The following PDZD2 variants were observed in gnomAD, a reference collection of about 807,000 sequenced individuals.
PDZD2 encodes PDZ domain-containing protein 2.
A neutral mutation model predicts 220.7 loss-of-function variants in PDZD2; 90 were observed. The ratio of observed to expected loss-of-function variants is 0.41; its 90% CI spans 0.34 to 0.49. PDZD2 has a LOEUF of 0.49. Among genes scored for constraint, PDZD2 ranks in the 20% least tolerant of loss-of-function variants. The pLI is 0.28. For synonymous variants in PDZD2, 1,375 were observed against 1,450.5 expected, an observed-to-expected ratio of 0.95 and a Z score of 1.18; for missense variants, 3,174 against 3,608.5, an observed-to-expected ratio of 0.88 and a Z score of 3.08.
chr5:31,709,807 T>G (rs995624887), intron 1 of PDZD2, among the ~76,000 whole-genome samples: 4 of 152,114 alleles, frequency 2.6e-5, no homozygotes, highest in Admixed American at 2.0e-4. Context: ...AATACACACA[T>G]TAACCTGGCA....
intron 2 of PDZD2, among the ~76,000 whole-genome samples, chr5:31,924,356 G>T (rs1222052534): frequency 6.6e-6 from 1 of 152,218 alleles, no homozygotes; most frequent in African/African-American, 2.4e-5. Context: ...TACAGCTACT[G>T]TGAGGAGTAG....
At position 31,779,845 on chromosome 5, in the gene PDZD2, T is replaced by C. The variant is rs567573729; in HGVS notation, c.-360-19044T>C. Among the ~76,000 whole-genome samples, 438 of 152,232 alleles carry C rather than the reference T, an allele frequency of 2.9e-3. 1 individual carries two copies. Among genetic ancestry groups the C allele is most frequent in the African/African-American group, 9.9e-3 (410 of 41,532 alleles). ...TCCTTGGCAGCTTCACGTGTTCGTT[T>C]TTATTAGTGTCCATGATTAATCTGT... On this transcript the variant is annotated intron_variant, in intron 1 of 24. Coordinates refer to ENST00000438447, the MANE Select transcript of PDZD2 (RefSeq NM_178140.4).
In PDZD2 at chr5:32,090,742, G is replaced by C; in HGVS notation, c.7294G>C (p.Glu2432Gln). ...TLTISRQNPP[E>Q]TSSKGSDSEL... ...GACCATCTCTCGGCAGAACCCACCA[G>C]AGACCAGTAGCAAGGGCTCTGATTC... The change falls in exon 20 of 25, where the codon GAG becomes CAG. Residue 2432 changes from glutamate to glutamine, a missense_variant. Physicochemically the swap from Glu to Gln is conservative, Grantham distance 29. Around this residue, in one of 4 missense-constraint regions of PDZD2, gnomAD observed 631 missense variants for 789.9 expected, o/e 0.80. Transcript: ENST00000438447. The surrounding 1 kb of genome is among the most constrained non-coding windows in gnomAD (Gnocchi z 4.3). The C allele has an allele frequency of 6.2e-7, 1 of 1,614,182 alleles. No homozygotes were observed. Among genetic ancestry groups the C allele is most frequent in the South Asian group, 1.1e-5 (1 of 91,080 alleles).
rs190817947 is a variant in PDZD2 at position 31,826,287 on chromosome 5, G to A, written c.476+26563G>A. On this transcript the variant is annotated intron_variant, in intron 2 of 24. Coordinates refer to ENST00000438447, the MANE Select transcript of PDZD2 (RefSeq NM_178140.4). ...ACCTTGCTCAATGCCACCGTGGTGGGGAGGGTAGGAGTGAGGCTCCAAACC... is the reference window on the plus strand; with the variant it reads ...ACCTTGCTCAATGCCACCGTGGTGGAGAGGGTAGGAGTGAGGCTCCAAACC... Among the ~76,000 whole-genome samples the A allele has an allele frequency of 1.0e-3, 158 of 152,214 alleles. 4 individuals carry two copies. The highest frequency in any genetic ancestry group is 0.01 in the Admixed American group (158 of 15,280).
At position 31,882,443 on chromosome 5, in the gene PDZD2, C is replaced by T. The variant is rs112183808; in HGVS notation, c.476+82719C>T. Among the ~76,000 whole-genome samples the T allele has an allele frequency of 2.3e-3, 348 of 152,234 alleles. 1 individual carries two copies. The highest frequency in any genetic ancestry group is 8.0e-3 in the African/African-American group (332 of 41,528). On this transcript the variant is annotated intron_variant, in intron 2 of 24. Coordinates refer to ENST00000438447, the MANE Select transcript of PDZD2 (RefSeq NM_178140.4). ...CAGGGATAATAATTAGAAGCCTGGACAGTTCCATAAAGAAGGGGAGAGGGA... is the reference window on the plus strand; with the variant it reads ...CAGGGATAATAATTAGAAGCCTGGATAGTTCCATAAAGAAGGGGAGAGGGA...
At chr5:32,107,056 G>A (rs995087948) in intron 24 of PDZD2, among the ~76,000 whole-genome samples, 11 of 152,152 alleles carry the variant, frequency 7.2e-5, no homozygotes, top group Admixed American at 6.5e-4. Context: ...TCAGTCTTTT[G>A]AGGTCTAATC....
intron 1 of PDZD2, among the ~76,000 whole-genome samples, chr5:31,727,768 C>T (rs1749255747): frequency 1.3e-5 from 2 of 151,504 alleles, no homozygotes; most frequent in Non-Finnish European, 2.9e-5. Context: ...TTCCGGAGGC[C>T]GAGGCGGGCG....
chr5:31,734,089 G>A (rs1490573358), intron 1 of PDZD2, among the ~76,000 whole-genome samples: 1 of 152,130 alleles, frequency 6.6e-6, no homozygotes, highest in East Asian at 1.9e-4. Flanking sequence ...ATAATTTGCT[G>A]CAATGGCTCA....
rs1170129233 is a variant in PDZD2, at chr5:32,104,737, A to AAC, written c.8354-3231_8354-3230insCA. Among the ~76,000 whole-genome samples the AAC allele has an allele frequency of 4.7e-5, 7 of 149,592 alleles. 1 individual carries two copies. Among genetic ancestry groups the AAC allele is most frequent in the African/African-American group, 1.7e-4 (7 of 40,572 alleles). ...CATCTAAAAAAAAAAAAAAAAAAAA[A>AAC]AAAAAAAAACATATAAAATGTTCAT... On this transcript the variant is annotated intron_variant, in intron 24 of 24. Transcript: ENST00000438447.
chr5:31,720,798 C>T (rs1369387749), intron 1 of PDZD2, among the ~76,000 whole-genome samples: 2 of 152,116 alleles, frequency 1.3e-5, no homozygotes, highest in African/African-American at 4.8e-5. Flanking sequence ...GTCTTATGAC[C>T]TACAATCAAA....
intron 1 of PDZD2, among the ~76,000 whole-genome samples, chr5:31,706,457 A>G (rs146759176): frequency 6.6e-6 from 1 of 152,198 alleles, no homozygotes; most frequent in East Asian, 1.9e-4. Context: ...AGCACAGTTC[A>G]GCAGGTAGGC....
At chr5:32,072,413 C>T (rs1346006533) in intron 17 of PDZD2, 96 bp downstream of exon 17, 1 of 976,374 alleles carries the variant, frequency 1.0e-6, no homozygotes, top group African/African-American at 1.6e-5. Context: ...GTTTAGCTAC[C>T]CTGGCGCTGT....
At chr5:31,860,188 T>C (rs1017352432) in intron 2 of PDZD2, among the ~76,000 whole-genome samples, 1 of 152,180 alleles carries the variant, frequency 6.6e-6, no homozygotes, top group Non-Finnish European at 1.5e-5. Context: ...CTGCCTCAGC[T>C]ATACCTGGTG....
chr5:31,924,057 A>C (rs1744527228), intron 2 of PDZD2, among the ~76,000 whole-genome samples: 1 of 152,206 alleles, frequency 6.6e-6, no homozygotes, highest in Non-Finnish European at 1.5e-5. Flanking sequence ...CAGTGCTTTC[A>C]CTGACAATGA....
chr5:31,919,925 C>T (rs1036507688), intron 2 of PDZD2, among the ~76,000 whole-genome samples: 1 of 151,418 alleles, frequency 6.6e-6, no homozygotes, highest in Non-Finnish European at 1.5e-5. Context: ...GAGGATGAGG[C>T]AGGAGGACTG....
intron 2 of PDZD2, chr5:31,822,472 G>A (rs1755946352): frequency 6.8e-6 from 3 of 439,478 alleles, no homozygotes; most frequent in Admixed American, 3.4e-5. Flanking sequence ...AAATCAATAG[G>A]TCTTTTATTG....
intron 2 of PDZD2, among the ~76,000 whole-genome samples, chr5:31,846,090 C>A (rs548368979): frequency 6.6e-6 from 1 of 152,220 alleles, no homozygotes; most frequent in African/African-American, 2.4e-5. Context: ...ATGGTTCAGC[C>A]CCTCTGTGGT....
chr5:32,090,995 T>C lies in PDZD2; in HGVS notation c.7547T>C (p.Ile2516Thr), dbSNP rs774169118. 1.9e-6 allele frequency: 3 copies of C among 1,613,746 alleles called. No homozygotes were observed. The highest frequency in any genetic ancestry group is 2.5e-6 in the Non-Finnish European group (3 of 1,179,978). ...SAVLFKTELEITPRRSPGPPA... is the reference protein window; with the variant it reads ...SAVLFKTELETTPRRSPGPPA... ...GTGCTCTTCAAAACTGAGCTGGAGA[T>C]CACCCCCAGGAGGTCACCTGGCCCT... is the stretch of plus-strand genomic sequence containing the variant. The change falls in exon 20 of 25, where the codon ATC becomes ACC. Residue 2516 changes from isoleucine (I) to threonine (T), a missense_variant. By Grantham distance (89) the Ile-to-Thr change is moderately conservative. Coordinates refer to ENST00000438447, the MANE Select transcript of PDZD2 (RefSeq NM_178140.4). The surrounding 1 kb of genome is among the most constrained non-coding windows in gnomAD (Gnocchi z 4.3).
intron 17 of PDZD2, among the ~76,000 whole-genome samples, chr5:32,073,353 A>G (rs551239120): frequency 1.4e-5 from 2 of 141,926 alleles, no homozygotes; most frequent in Non-Finnish European, 2.9e-5. Context: ...TCATGCTGCA[A>G]AAGCACTCAC....
Sources: gnomAD v4.1 joint callset for allele counts (sites outside exome capture counted in the v4.1 genomes callset) on GRCh38, gnomAD v4.1.1 for gene constraint, gnomAD v4.1.1 regional missense constraint, Gnocchi (gnomAD v3.1) non-coding constraint, MANE v1.5 for transcripts, NCBI Gene and HGNC (gene_info 2026-07-23, HGNC 2026-07-21) for gene names.